Variants in CRACD observed in about 807,000 individuals in gnomAD.
CRACD encodes the protein capping protein inhibiting regulator of actin dynamics, also known as capping protein-inhibiting regulator of actin dynamics.
In CRACD, 56 loss-of-function variants were observed where a neutral mutation model predicts 106.8. The ratio of observed to expected loss-of-function variants is 0.52; its 90% confidence interval spans 0.42 to 0.66. CRACD has a LOEUF of 0.66. Ranked by LOEUF, CRACD falls within the 30% of genes least tolerant of loss-of-function variation. The probability of loss-of-function intolerance (pLI) is 0.00; values close to 1 mark genes in which losing one functional copy is unlikely to be tolerated. For missense variants in CRACD, 1,730 were observed against 1,623.2 expected (o/e 1.07, Z -1.13); for synonymous variants, 754 against 670.8 (o/e 1.12, Z -1.92).
chr4:56,119,412 C>T (rs1162924056), intron 1 of CRACD, among the ~76,000 whole-genome samples: 1 of 151,876 alleles, frequency 6.6e-6, no homozygotes, highest in Non-Finnish European at 1.5e-5. Flanking sequence ...CTCACTGTAG[C>T]CTCCACCTAC....
At chr4:56,294,986 C>T (rs1247768666) in intron 3 of CRACD, among the ~76,000 whole-genome samples, 1 of 122,724 alleles carries the variant, frequency 8.1e-6, no homozygotes, top group Admixed American at 7.8e-5. Context: ...ACCCAGAAAA[C>T]CAGAGCTGAA....
chr4:56,099,717 C>G (rs1044962818), intron 1 of CRACD, among the ~76,000 whole-genome samples: 6 of 152,140 alleles, frequency 3.9e-5, no homozygotes, highest in Non-Finnish European at 7.3e-5. Flanking sequence ...TAAGTGAGCA[C>G]CATGCTGGAA....
At chr4:56,146,149 T>G (rs1403266891) in intron 1 of CRACD, among the ~76,000 whole-genome samples, 6 of 152,162 alleles carry the variant, frequency 3.9e-5, no homozygotes, top group Admixed American at 3.9e-4. Flanking sequence ...TGATTTCTAT[T>G]TTGATCCAAG....
At chr4:56,239,555 C>T (rs1245191224) in intron 2 of CRACD, among the ~76,000 whole-genome samples, 1 of 151,982 alleles carries the variant, frequency 6.6e-6, no homozygotes, top group Non-Finnish European at 1.5e-5. Context: ...CAAAACCTCC[C>T]TCTCCCCTAA....
chr4:56,314,856 G>A lies in CRACD; in HGVS notation c.1354G>A (p.Glu452Lys). The A allele has an allele frequency of 1.9e-6, 3 of 1,612,088 alleles. No individual in the cohort carries two copies. Among genetic ancestry groups the A allele is most frequent in the Non-Finnish European group, 2.5e-6 (3 of 1,179,516 alleles). Residue 452 changes from glutamate to lysine, a missense_variant, in exon 8 of 11, where the codon GAG (glutamate) becomes AAG (lysine). By Grantham distance (56) the Glu-to-Lys change is moderately conservative. Transcript: ENST00000682029. The surrounding 1 kb of genome is among the most constrained non-coding windows in gnomAD (Gnocchi z 4.4). The stretch of plus-strand genomic sequence containing the variant: ...ACACTCCGAGGAGCCAGGTATTTGC[G>A]AGGAGCAGAACCCAGAGGCCGAGCG... ...REHSEEPGIC[E>K]EQNPEAERRR...
In CRACD at chr4:56,315,581, C is replaced by T. The variant is rs764882992; in HGVS notation, c.2079C>T (p.Pro693=). 1.2e-6 allele frequency: 2 copies of T among 1,614,108 alleles called. No homozygotes were observed. The highest frequency in any genetic ancestry group is 2.2e-5 in the East Asian group (1 of 44,842). ...GCAGCGAGAGGGACCAGTTGAGGCC[C>T]GGTGATGAGTCCACTCCCAGGGGCC... ...PRSSERDQLR[P]GDESTPRGRC... Residue 693 remains proline, a synonymous_variant, in exon 8 of 11, where the codon CCC becomes CCT. Coordinates refer to ENST00000682029, the MANE Select transcript of CRACD (RefSeq NM_001393381.1). The surrounding 1 kb of genome is among the most constrained non-coding windows in gnomAD (Gnocchi z 4.1).
chr4:56,066,416 G>A (rs1277696772), intron 1 of CRACD, among the ~76,000 whole-genome samples: 5 of 152,172 alleles, frequency 3.3e-5, no homozygotes, highest in Admixed American at 2.0e-4. Flanking sequence ...GGTGGCTCAT[G>A]GCTGTAATCC....
intron 1 of CRACD, among the ~76,000 whole-genome samples, chr4:56,072,896 G>A (rs974747053): frequency 7.9e-5 from 12 of 151,990 alleles, no homozygotes; most frequent in Non-Finnish European, 1.6e-4. Context: ...GAGAATGATG[G>A]TTTCCATATT....
At chr4:56,230,063 A>G (rs1739527756) in intron 2 of CRACD, among the ~76,000 whole-genome samples, 1 of 152,184 alleles carries the variant, frequency 6.6e-6, no homozygotes, top group Non-Finnish European at 1.5e-5. Flanking sequence ...TTATCTTCCC[A>G]TTAAAGCATG....
intron 9 of CRACD, among the ~76,000 whole-genome samples, 176 bp from the exon 10 acceptor site, chr4:56,323,928 G>T (rs1434770762): frequency 6.6e-6 from 1 of 152,222 alleles, no homozygotes; most frequent in Non-Finnish European, 1.5e-5. Context: ...CTGGCTCTGA[G>T]CTGCCCCCTC....
intron 1 of CRACD, among the ~76,000 whole-genome samples, chr4:56,164,041 G>A (rs1200817420): frequency 6.6e-6 from 1 of 150,744 alleles, no homozygotes; most frequent in Non-Finnish European, 1.5e-5. Flanking sequence ...GCCAGTGCCT[G>A]ACCTTTGTAT....
At chr4:56,199,841 A>T (rs1737800562) in intron 2 of CRACD, among the ~76,000 whole-genome samples, 1 of 152,132 alleles carries the variant, frequency 6.6e-6, no homozygotes, top group African/African-American at 2.4e-5. Context: ...TTGAGCTTCC[A>T]AGGACAGATT....
chr4:56,137,232 A>G (rs539410325), intron 1 of CRACD, among the ~76,000 whole-genome samples: 6 of 152,078 alleles, frequency 3.9e-5, no homozygotes, highest in Non-Finnish European at 8.8e-5. Context: ...GAATCATGCT[A>G]CTGCACTCCA....
chr4:56,240,640 G>C (rs79479126), intron 2 of CRACD, among the ~76,000 whole-genome samples: 3,206 of 152,180 alleles, frequency 0.021, 52 homozygotes, highest in Non-Finnish European at 0.036. Context: ...TAGTAGCTGG[G>C]ACTACAAGCA....
At position 56,322,924 on chromosome 4, in the gene CRACD, G is replaced by A. The variant is rs374245510; in HGVS notation, c.3188-453G>A. On this transcript the variant is annotated intron_variant, in intron 8 of 10. Coordinates refer to ENST00000682029, the MANE Select transcript of CRACD (RefSeq NM_001393381.1). ...GGCGCCTGTAGTCCTAGCTACTCGC[G>A]AGGCTGAAACAGGAGAATTGCCTGA... Among the ~76,000 whole-genome samples, 20 of 152,248 alleles carry A rather than the reference G, an allele frequency of 1.3e-4. No individual in the cohort carries two copies. The East Asian group carries it at 1.9e-3, about 15-fold the overall frequency.
intron 1 of CRACD, among the ~76,000 whole-genome samples, chr4:56,066,296 C>T (rs1732465701): frequency 6.6e-6 from 1 of 152,158 alleles, no homozygotes; most frequent in Non-Finnish European, 1.5e-5. Flanking sequence ...TATTACTTCT[C>T]TTTTTAAGGG....
At chr4:56,075,842 T>G (rs1050275694) in intron 1 of CRACD, among the ~76,000 whole-genome samples, 2 of 152,236 alleles carry the variant, frequency 1.3e-5, no homozygotes, top group Admixed American at 1.3e-4. Flanking sequence ...AATAATACTC[T>G]GTCATATGGG....
chr4:56,306,647 C>A (rs967971284), intron 4 of CRACD, among the ~76,000 whole-genome samples: 1 of 152,180 alleles, frequency 6.6e-6, no homozygotes, highest in Non-Finnish European at 1.5e-5. Context: ...GGCAATTTTA[C>A]CCCCCAGGGG....
chr4:56,063,571 T>A (rs1216189054), intron 1 of CRACD, among the ~76,000 whole-genome samples: 1 of 152,088 alleles, frequency 6.6e-6, no homozygotes, highest in Admixed American at 6.6e-5. Flanking sequence ...CCTGGTAACT[T>A]CTGTTCTATT....
Sources: allele counts gnomAD v4.1 joint callset (sites outside exome capture counted in the v4.1 genomes callset), GRCh38; gene constraint gnomAD v4.1.1; non-coding constraint Gnocchi (gnomAD v3.1); transcripts MANE v1.5; gene names NCBI Gene and HGNC (gene_info 2026-07-23, HGNC 2026-07-21).